TPM3: variants seen among roughly 807,000 people sequenced by gnomAD.
TPM3 encodes the protein tropomyosin alpha-3 chain.
TPM3 carries 16 observed loss-of-function variants against 43.1 expected under a neutral mutation model. The ratio of observed to expected loss-of-function variants is 0.37; its 90% CI spans 0.25 to 0.56. The LOEUF (loss-of-function observed/expected upper bound fraction) is 0.56. Among genes scored for constraint, TPM3 ranks in the 20% least tolerant of loss-of-function variants. The pLI is 0.77. For synonymous variants in TPM3, 101 were observed against 116.9 expected (o/e 0.86, Z 0.88); for missense variants, 176 against 337.2 (o/e 0.52, Z 3.74).
chr1:154,170,135 G>T, intron 8 of TPM3: 1 of 476,136 alleles, frequency 2.1e-6, no homozygotes, highest in South Asian at 2.2e-5. Flanking sequence ...GGAGGTAAAT[G>T]CAGCCATTAT....
chr1:154,174,368 GTATATATATATATATATA>G (rs34224787), intron 3 of TPM3, among the ~76,000 whole-genome samples: 1,749 of 46,390 alleles, frequency 0.038, 159 homozygotes, highest in African/African-American at 0.1. Flanking sequence ...AAATATATGT[GTATATATATATATATATA>G]TATATATATA....
At chr1:154,171,270 C>A in intron 6 of TPM3, 143 bp downstream of exon 6, 1 of 867,168 alleles carries the variant, frequency 1.2e-6, no homozygotes, top group Non-Finnish European at 1.9e-6. Context: ...AGCATTAAAC[C>A]CAGAACCTGA....
intron 2 of TPM3, among the ~76,000 whole-genome samples, chr1:154,190,741 G>A (rs1015445553): frequency 2.0e-5 from 3 of 152,160 alleles, no homozygotes; most frequent in African/African-American, 7.2e-5. Context: ...ATTTCCCATT[G>A]TGAAATCCGA....
At chr1:154,191,862 T>C in intron 1 of TPM3, 40 bp downstream of exon 1, 1 of 1,602,334 alleles carries the variant, frequency 6.2e-7, no homozygotes, top group Non-Finnish European at 8.5e-7. Flanking sequence ...TTCACAGTCT[T>C]GTTCACTAGC....
Position 154,166,581 on chromosome 1 carries a change from T to C in TPM3, c.*1356A>G, listed in dbSNP as rs1373495978. The C allele has an allele frequency of 1.9e-6, 2 of 1,051,412 alleles. No homozygotes were observed. The highest frequency in any genetic ancestry group is 2.3e-6 in the Non-Finnish European group (2 of 870,620). 65.1% of individuals were successfully genotyped at this position (1,051,412 alleles called of 1,614,324 possible). On this transcript the variant is annotated 3_prime_UTR_variant, in exon 10 of 10. Transcript: ENST00000651641. ...AAAAGCAAATTTTAAATACATACCC[T>C]GCTGGGAAACTAAAGTACTAAGTGA...
At chr1:154,159,989 T>TC (rs1370792386), downstream of TPM3, among the ~76,000 whole-genome samples, 3 of 137,764 alleles carry the variant, frequency 2.2e-5, no homozygotes, top group African/African-American at 9.3e-5. Flanking sequence ...GTAAGTTATT[T>TC]CCTTTTTTTT....
chr1:154,171,633 GAGCA>G, intron 5 of TPM3, 145 bp from the exon 6 acceptor site: 1 of 884,922 alleles, frequency 1.1e-6, no homozygotes, highest in Admixed American at 2.0e-5. Context: ...CAAGTAACCT[GAGCA>G]AGCATCAACC....
At chr1:154,174,407 T>TATATATATATATATACATAC in intron 3 of TPM3, among the ~76,000 whole-genome samples, 1 of 72,694 alleles carries the variant, frequency 1.4e-5, no homozygotes, top group Admixed American at 1.9e-4. Context: ...TATATATATA[T>TATATATATATATATACATAC]ACACACAAAA....
chr1:154,171,284 C>A, intron 6 of TPM3, 129 bp downstream of exon 6: 1 of 939,588 alleles, frequency 1.1e-6, no homozygotes, highest in Non-Finnish European at 1.7e-6. Flanking sequence ...AACCTGAATA[C>A]ATGGTAAGGA....
At chr1:154,175,070 G>A (rs1461312013) in intron 3 of TPM3, among the ~76,000 whole-genome samples, 2 of 151,768 alleles carry the variant, frequency 1.3e-5, no homozygotes, top group Non-Finnish European at 2.9e-5. Context: ...AGTGGCTCAC[G>A]CCTGTAATCC....
chr1:154,178,597 A>G (rs1662606688), intron 2 of TPM3, among the ~76,000 whole-genome samples: 1 of 152,258 alleles, frequency 6.6e-6, no homozygotes, highest in African/African-American at 2.4e-5. Context: ...GTCTATGCAC[A>G]GTGCCTGTCC....
chr1:154,167,681 C>A lies in TPM3; in HGVS notation c.*256G>T. Reference sequence around the variant, plus strand: ...ACAATAGCTCTTCCCCACATCACACCCCCAAGGCTCCTTCTTAGGGACAGC... The same window carrying A: ...ACAATAGCTCTTCCCCACATCACACACCCAAGGCTCCTTCTTAGGGACAGC... On this transcript the variant is annotated 3_prime_UTR_variant, in exon 10 of 10. Transcript: ENST00000651641. 1 of 1,358,020 alleles carries A rather than the reference C, an allele frequency of 7.4e-7. No individual in the cohort carries two copies. Among genetic ancestry groups the A allele is most frequent in the Non-Finnish European group, 9.5e-7 (1 of 1,047,890 alleles). 84.1% of individuals were successfully genotyped at this position (1,358,020 alleles called of 1,614,324 possible).
In TPM3 at chr1:154,163,529, C is replaced by A. The variant is rs190755789; in HGVS notation, c.*4408G>T. 3.5e-3 allele frequency among the ~76,000 whole-genome samples: 526 copies of A among 152,298 alleles called. 4 individuals are homozygous for A. The highest frequency in any genetic ancestry group is 0.017 in the South Asian group (82 of 4,828). On this transcript the variant is annotated 3_prime_UTR_variant, in exon 10 of 10. Coordinates refer to ENST00000651641, the MANE Select transcript of TPM3 (RefSeq NM_152263.4). Reference sequence around the variant, plus strand: ...CCTTCTTAGCCTCTCTGTTGAAAAACCACTAGAAAGCATCCAACCCGGAAC... The same window carrying A: ...CCTTCTTAGCCTCTCTGTTGAAAAAACACTAGAAAGCATCCAACCCGGAAC...
chr1:154,171,979 A>G, intron 5 of TPM3: 2 of 1,606,822 alleles, frequency 1.2e-6, no homozygotes, highest in East Asian at 2.2e-5. Context: ...ACAAAACAAA[A>G]CAAAACCACA....
At chr1:154,171,577 C>G in intron 5 of TPM3, 89 bp from the exon 6 acceptor site, 2 of 1,419,908 alleles carry the variant, frequency 1.4e-6, no homozygotes, top group Non-Finnish European at 2.0e-6. Flanking sequence ...TGAATTGAAC[C>G]TATATGTAGA....
downstream of TPM3, chr1:154,156,521 A>T (rs1355661511): frequency 5.0e-6 from 1 of 200,790 alleles, no homozygotes; most frequent in Admixed American, 6.0e-5. Context: ...TACACCTAAC[A>T]GACCTCCTAG....
chr1:154,188,472 G>A (rs767530010), intron 2 of TPM3, among the ~76,000 whole-genome samples: 2 of 150,910 alleles, frequency 1.3e-5, no homozygotes, highest in Non-Finnish European at 2.9e-5. Flanking sequence ...TGAGGAGATC[G>A]AGACCATCCT....
rs191320804 is a variant in TPM3 at position 154,181,407 on chromosome 1, T to A, written c.244-5159A>T. Reference sequence around the variant, plus strand: ...CAAAAAGAAAAACAAAAACAAAAACTTACCAAGGGAAAGAACAAAGAACAA... The same window carrying A: ...CAAAAAGAAAAACAAAAACAAAAACATACCAAGGGAAAGAACAAAGAACAA... On this transcript the variant is annotated intron_variant, in intron 2 of 9. Coordinates refer to ENST00000651641, the MANE Select transcript of TPM3 (RefSeq NM_152263.4). Among the ~76,000 whole-genome samples, 7 of 152,010 alleles carry A rather than the reference T, an allele frequency of 4.6e-5. 1 individual carries two copies. Among genetic ancestry groups the A allele is most frequent in the African/African-American group, 1.7e-4 (7 of 41,400 alleles).
chr1:154,167,513 A>G lies in TPM3; in HGVS notation c.*424T>C, dbSNP rs1661109655. 9.2e-7 allele frequency: 1 copy of G among 1,090,724 alleles called. No individual in the cohort carries two copies. Among genetic ancestry groups the G allele is most frequent in the African/African-American group, 1.6e-5 (1 of 61,862 alleles). The allele number at this position is 1,090,724 out of a possible 1,614,324, so 67.6% of individuals were successfully genotyped here. A position where few individuals can be genotyped will look rare whatever the true frequency, so the allele number is the denominator to read the frequency against. ...GAATTTAATCTTGTTCAGCTTGAGG[A>G]GTATAACTAAAATTACTATCCTGAG... On this transcript the variant is annotated 3_prime_UTR_variant, in exon 10 of 10. Transcript: ENST00000651641.
Sources: allele counts gnomAD v4.1 joint callset (sites outside exome capture counted in the v4.1 genomes callset), GRCh38; gene constraint gnomAD v4.1.1; transcripts MANE v1.5; gene names NCBI Gene and HGNC (gene_info 2026-07-23, HGNC 2026-07-21).